The following ACTN3 variants were observed in gnomAD, a reference collection of about 807,000 sequenced individuals.
ACTN3 encodes the protein actinin alpha 3.
A neutral mutation model predicts 119.6 loss-of-function variants in ACTN3; 91 were observed. That is an observed-to-expected ratio of 0.76 (90% CI 0.64 to 0.91). The LOEUF (loss-of-function observed/expected upper bound fraction) is 0.91. Among genes scored for constraint, ACTN3 ranks in the 40% least tolerant of loss-of-function variants. The pLI is 0.00. For missense variants in ACTN3, 1,221 were observed against 1,215.1 expected (o/e 1.00, Z -0.07); for synonymous variants, 456 against 478.8 (o/e 0.95, Z 0.62).
At chr11:66,550,339 T>G (rs1317782916) in intron 1 of ACTN3, among the ~76,000 whole-genome samples, 1 of 152,160 alleles carries the variant, frequency 6.6e-6, no homozygotes, top group Non-Finnish European at 1.5e-5. Context: ...CAGAAACTTG[T>G]GTACCAAGTG....
chr11:66,554,633 G>A lies in ACTN3; in HGVS notation c.557+10G>A, dbSNP rs559620186. On this transcript the variant is annotated intron_variant, in intron 5 of 20. Coordinates refer to ENST00000513398, the MANE Select transcript of ACTN3 (RefSeq NM_001104.4). Reference sequence around the variant, plus strand: ...AGAACTTCCACACCAGGTCTGTCAGGTGGTTACCAAATGTGTCTGGGCCTC... The same window carrying A: ...AGAACTTCCACACCAGGTCTGTCAGATGGTTACCAAATGTGTCTGGGCCTC... The A allele has an allele frequency of 6.2e-7, 1 of 1,606,704 alleles. No homozygotes were observed. The highest frequency in any genetic ancestry group is 1.7e-5 in the Admixed American group (1 of 59,022).
At chr11:66,551,740 A>C in intron 3 of ACTN3, 93 bp downstream of exon 3, 26 of 1,534,742 alleles carry the variant, frequency 1.7e-5, no homozygotes, top group Non-Finnish European at 2.2e-5. Context: ...TCCTCATCTC[A>C]GCAATGAGAA....
In ACTN3 at chr11:66,557,156, C is replaced by A. The variant is rs762376635; in HGVS notation, c.828C>A (p.Ile276=). 6.4e-7 allele frequency: 1 copy of A among 1,553,200 alleles called. No individual in the cohort carries two copies. The highest frequency in any genetic ancestry group is 8.7e-7 in the Non-Finnish European group (1 of 1,147,854). The part of the protein sequence containing the change: ...AEQAETAANR[I]CKVLAVNQEN... ...AGGCAGAGACAGCTGCCAACAGGATCTGCAAGGTGCTGGCAGTGAACCAGG... is the reference window on the plus strand; with the variant it reads ...AGGCAGAGACAGCTGCCAACAGGATATGCAAGGTGCTGGCAGTGAACCAGG... The change falls in exon 9 of 21, where the codon ATC becomes ATA. Residue 276 remains isoleucine, a synonymous_variant. Transcript: ENST00000513398.
Position 66,557,864 on chromosome 11 carries a change from CTGCAGACCAAG to C in ACTN3, c.1065_1075del (p.Gln356AlafsTer34). ...CCAGCTGGAGATCAACTTCAACACA[CTGCAGACCAAG>C]TTGCGGCTCAGCCACCGGCCTGCCT... On this transcript the variant is annotated frameshift_variant, in exon 10 of 21. Coordinates refer to ENST00000513398, the MANE Select transcript of ACTN3 (RefSeq NM_001104.4). LOFTEE classifies it high-confidence loss of function. The C allele has an allele frequency of 6.2e-7, 1 of 1,614,228 alleles. No homozygotes were observed. Among genetic ancestry groups the C allele is most frequent in the Non-Finnish European group, 8.5e-7 (1 of 1,180,040 alleles).
chr11:66,548,030 T>G (rs1221395293), intron 1 of ACTN3, among the ~76,000 whole-genome samples: 13 of 152,140 alleles, frequency 8.5e-5, no homozygotes, highest in Admixed American at 7.9e-4. Flanking sequence ...GAGGGCACTA[T>G]GAGGCCATTG....
rs1444036438 is a variant in ACTN3 at position 66,546,977 on chromosome 11, G to A, written c.40G>A (p.Glu14Lys). ...VMQPEGLGAGEGRFAGGGGGG... is the reference protein window; with the variant it reads ...VMQPEGLGAGKGRFAGGGGGG... The stretch of plus-strand genomic sequence containing the variant: ...GCAGCCCGAGGGTCTGGGGGCCGGG[G>A]AGGGGCGCTTTGCGGGCGGCGGCGG... The change falls in exon 1 of 21, where the codon GAG becomes AAG. Residue 14 changes from glutamate to lysine, a missense_variant. Around this residue, in one of 3 missense-constraint regions of ACTN3, gnomAD observed 239 missense variants for 231.8 expected, o/e 1.03. Coordinates refer to ENST00000513398, the MANE Select transcript of ACTN3 (RefSeq NM_001104.4). The A allele has an allele frequency of 3.3e-6, 5 of 1,524,418 alleles. No homozygotes were observed. The Admixed American group carries it at 8.9e-5, about 27-fold the overall frequency. The allele number at this position is 1,524,418 out of a possible 1,614,324, so 94.4% of individuals were successfully genotyped here.
At chr11:66,548,723 G>C (rs568958996) in intron 1 of ACTN3, among the ~76,000 whole-genome samples, 17 of 152,184 alleles carry the variant, frequency 1.1e-4, no homozygotes, top group Non-Finnish European at 1.6e-4. Flanking sequence ...CACAGTCTTG[G>C]AGCAGCACGC....
intron 3 of ACTN3, among the ~76,000 whole-genome samples, chr11:66,553,560 TTATAA>T (rs1857521759): frequency 7.4e-6 from 1 of 135,556 alleles, no homozygotes; most frequent in Non-Finnish European, 1.6e-5. Flanking sequence ...TGGGAAAAAA[TTATAA>T]TAAAAAAAAA....
Position 66,562,034 on chromosome 11 carries a change from G to T in ACTN3, c.2188G>T (p.Gly730Cys). The T allele has an allele frequency of 6.2e-7, 1 of 1,611,008 alleles. No homozygotes were observed. The highest frequency in any genetic ancestry group is 8.5e-7 in the Non-Finnish European group (1 of 1,178,734). The stretch of plus-strand genomic sequence containing the variant: ...CCCTGACCGCCAGCACATCCGCGTG[G>T]GCTGGGAGCAGCTGCTCACCTCCAT... ...TVYSMEHIRV[G>C]WEQLLTSIAR... The change falls in exon 18 of 21, where the codon GGC becomes TGC. Residue 730 changes from glycine (G) to cysteine (C), a missense_variant. Physicochemically the swap from Gly to Cys is radical, Grantham distance 159. Around this residue, in one of 3 missense-constraint regions of ACTN3, gnomAD observed 934 missense variants for 899.9 expected, o/e 1.04. Coordinates refer to ENST00000513398, the MANE Select transcript of ACTN3 (RefSeq NM_001104.4).
rs1247091321 is a variant in ACTN3, at chr11:66,547,096, C to T, written c.147+12C>T. On this transcript the variant is annotated intron_variant, in intron 1 of 20. Transcript: ENST00000513398. The stretch of plus-strand genomic sequence containing the variant: ...AGCAGCAGCGGAAAGTGAGTGCTCG[C>T]CCATTTCCTGACAGCAAAACCGAGG... The T allele has an allele frequency of 6.7e-7, 1 of 1,495,122 alleles. No individual in the cohort carries two copies. Among genetic ancestry groups the T allele is most frequent in the South Asian group, 1.4e-5 (1 of 70,952 alleles). 92.6% of individuals were successfully genotyped at this position (1,495,122 alleles called of 1,614,324 possible).
At chr11:66,560,114 T>TTGGGG in intron 13 of ACTN3, 38 bp downstream of exon 13, 14 of 586,052 alleles carry the variant, frequency 2.4e-5, no homozygotes, top group Admixed American at 1.2e-4. Flanking sequence ...GGTGGGTAGG[T>TTGGGG]GGGTGAGGCC....
Position 66,555,439 on chromosome 11 carries a change from G to T in ACTN3, c.718+72G>T, listed in dbSNP as rs894889052. 7 of 1,504,610 alleles carry T rather than the reference G, an allele frequency of 4.7e-6. No individual in the cohort carries two copies. In the East Asian group the frequency reaches 9.0e-5, roughly 19 times the overall value. 93.2% of individuals were successfully genotyped at this position (1,504,610 alleles called of 1,614,324 possible). A position where few individuals can be genotyped will look rare whatever the true frequency, so the allele number is the denominator to read the frequency against. On this transcript the variant is annotated intron_variant, in intron 7 of 20. Transcript: ENST00000513398. ...GGCCTGGTACAACCTCCACACCTTT[G>T]CACGGCCCTTTCCTCCTCCTGGGAT...
Position 66,546,911 on chromosome 11 carries a change from CG to C in ACTN3, c.-25del. On this transcript the variant is annotated 5_prime_UTR_variant, in exon 1 of 21. Coordinates refer to ENST00000513398, the MANE Select transcript of ACTN3 (RefSeq NM_001104.4). ...CCCGGGTGTCCGAGAGCGTGCCGAG[CG>C]GAGCGAAGCCAGGAGCCCGATCGAG... 6.5e-7 allele frequency: 1 copy of C among 1,528,746 alleles called. No individual in the cohort carries two copies. Among genetic ancestry groups the C allele is most frequent in the Non-Finnish European group, 8.8e-7 (1 of 1,141,494 alleles). The allele number at this position is 1,528,746 out of a possible 1,614,324, so 94.7% of individuals were successfully genotyped here. A position where few individuals can be genotyped will look rare whatever the true frequency, so the allele number is the denominator to read the frequency against.
intron 17 of ACTN3, 124 bp downstream of exon 17, chr11:66,561,761 T>C: frequency 8.0e-7 from 1 of 1,248,716 alleles, no homozygotes; most frequent in Non-Finnish European, 1.1e-6. Context: ...CCAGGTCCCT[T>C]AAGACCCAGC....
rs1366402569 is a variant in ACTN3 at position 66,556,176 on chromosome 11, G to T, written c.750G>T (p.Lys250Asn). The T allele has an allele frequency of 1.2e-6, 2 of 1,613,768 alleles. No individual in the cohort carries two copies. Among genetic ancestry groups the T allele is most frequent in the Non-Finnish European group, 1.7e-6 (2 of 1,179,902 alleles). ...TGAACACCCCAAAGCCGGATGAGAA[G>T]GCCATCATGACCTATGTGTCCTGCT... The part of the protein sequence containing the change: ...DIVNTPKPDE[K>N]AIMTYVSCFY... Residue 250 changes from lysine (K) to asparagine (N), a missense_variant, in exon 8 of 21, where the codon AAG (lysine) becomes AAT (asparagine). This residue lies in a region of ACTN3 where 934 missense variants were observed against 899.9 expected (regional missense o/e 1.04). Transcript: ENST00000513398.
chr11:66,558,320 C>T (rs1857650455), intron 11 of ACTN3, 146 bp downstream of exon 11: 2 of 1,220,144 alleles, frequency 1.6e-6, no homozygotes, highest in East Asian at 5.0e-5. Flanking sequence ...TAGTCCCACC[C>T]TGACTTGCTG....
In ACTN3 at chr11:66,554,574, A is replaced by G; in HGVS notation, c.508A>G (p.Arg170Gly). The change falls in exon 5 of 21, where the codon AGG (arginine) becomes GGG (glycine). Residue 170 changes from arginine (R) to glycine (G), a missense_variant. Physicochemically the swap from Arg to Gly is moderately radical, Grantham distance 125. Around this residue, in one of 3 missense-constraint regions of ACTN3, gnomAD observed 239 missense variants for 231.8 expected, o/e 1.03. Coordinates refer to ENST00000513398, the MANE Select transcript of ACTN3 (RefSeq NM_001104.4). ...GGAAGGCTTGCTTCTGTGGTGCCAG[A>G]GGAAGACAGCACCGTACCGCAACGT... ...AKEGLLLWCQRKTAPYRNVNV... is the reference protein window; with the variant it reads ...AKEGLLLWCQGKTAPYRNVNV... 6.2e-7 allele frequency: 1 copy of G among 1,612,572 alleles called. No homozygotes were observed. Among genetic ancestry groups the G allele is most frequent in the Non-Finnish European group, 8.5e-7 (1 of 1,179,298 alleles).
chr11:66,549,441 T>C (rs1185541622), intron 1 of ACTN3, among the ~76,000 whole-genome samples: 3 of 151,468 alleles, frequency 2.0e-5, no homozygotes, highest in African/African-American at 7.3e-5. Context: ...TCATTAAGAG[T>C]CTTGTTTGGG....
At chr11:66,546,445 CG>C, upstream of ACTN3, 1 of 1,239,122 alleles carries the variant, frequency 8.1e-7, no homozygotes. Context: ...TCCCCATGCC[CG>C]GGTGTCTCCA....
Sources: gnomAD v4.1 joint callset for allele counts (sites outside exome capture counted in the v4.1 genomes callset) on GRCh38, gnomAD v4.1.1 for gene constraint, gnomAD v4.1.1 regional missense constraint, MANE v1.5 for transcripts, NCBI Gene and HGNC (gene_info 2026-07-23, HGNC 2026-07-21) for gene names.